The following ELAVL2 variants were observed in gnomAD, a reference collection of about 807,000 sequenced individuals.
The protein encoded by ELAVL2 is ELAV-like protein 2.
Under a neutral mutation model 34.6 loss-of-function variants are expected in ELAVL2, and 4 were observed. The ratio of observed to expected loss-of-function variants is 0.12; its 90% CI spans 0.06 to 0.26. The LOEUF is 0.26. ELAVL2 is among the 10% of genes least tolerant of loss of function. The pLI is 1.00. For missense variants in ELAVL2, 432 were observed against 442.8 expected, an observed-to-expected ratio of 0.98 and a Z score of 0.22; for synonymous variants, 193 against 154.8, an observed-to-expected ratio of 1.25 and a Z score of -1.83.
chr9:23,738,896 T>G lies in ELAVL2; in HGVS notation c.230-7771A>C, dbSNP rs935740006. On this transcript the variant is annotated intron_variant, in intron 2 of 6. Transcript: ENST00000397312. Reference sequence around the variant, plus strand: ...TGATTATGCAACTGGTAGAGCTCTATTTTCCTGTAGTTCCAGTCCCAGTAA... The same window carrying G: ...TGATTATGCAACTGGTAGAGCTCTAGTTTCCTGTAGTTCCAGTCCCAGTAA... Among the ~76,000 whole-genome samples, 4 of 152,148 alleles carry G rather than the reference T, an allele frequency of 2.6e-5. No individual in the cohort carries two copies. The South Asian group carries it at 8.3e-4, about 32-fold the overall frequency.
chr9:23,755,785 G>C (rs1443736847), intron 2 of ELAVL2, among the ~76,000 whole-genome samples: 1 of 152,066 alleles, frequency 6.6e-6, no homozygotes, highest in Non-Finnish European at 1.5e-5. Flanking sequence ...AGCATACAGA[G>C]TTTGCAAAGT....
At position 23,731,070 on chromosome 9, in the gene ELAVL2, T is replaced by C. The variant is rs370062424; in HGVS notation, c.285A>G (p.Lys95=). 4.3e-6 allele frequency: 7 copies of C among 1,613,262 alleles called. No homozygotes were observed. In the African/African-American group the frequency reaches 9.3e-5, roughly 22 times the overall value. The part of the protein sequence containing the change: ...VNYIDPKDAE[K]AINTLNGLRL... ...TCAATCCATTCAGGGTGTTGATAGCTTTCTCTGCATCCTTGGGGTCAATGT... is the reference window on the plus strand; with the variant it reads ...TCAATCCATTCAGGGTGTTGATAGCCTTCTCTGCATCCTTGGGGTCAATGT... Residue 95 remains lysine (K), a synonymous_variant, in exon 3 of 7, where the codon AAA becomes AAG. Transcript: ENST00000397312.
intron 1 of ELAVL2, among the ~76,000 whole-genome samples, chr9:23,765,290 A>G (rs775940370): frequency 6.6e-6 from 1 of 152,190 alleles, no homozygotes; most frequent in African/African-American, 2.4e-5. Context: ...TTGCACAAAT[A>G]TAAGCATTTT....
chr9:23,706,701 C>G (rs2039437412), intron 3 of ELAVL2, among the ~76,000 whole-genome samples: 1 of 152,156 alleles, frequency 6.6e-6, no homozygotes, highest in African/African-American at 2.4e-5. Flanking sequence ...ACTGCCTGCT[C>G]ATTTTATTAT....
chr9:23,796,158 T>TA (rs921354511), intron 1 of ELAVL2, among the ~76,000 whole-genome samples: 2 of 152,184 alleles, frequency 1.3e-5, no homozygotes, highest in African/African-American at 2.4e-5. Flanking sequence ...GGTCCTACTA[T>TA]AAAACACTAG....
chr9:23,777,686 T>C (rs1194569954), intron 1 of ELAVL2, among the ~76,000 whole-genome samples: 3 of 152,060 alleles, frequency 2.0e-5, no homozygotes, highest in Non-Finnish European at 4.4e-5. Context: ...GAAGAAAACT[T>C]CCACTGCACT....
intron 1 of ELAVL2, among the ~76,000 whole-genome samples, chr9:23,811,524 C>T (rs935966549): frequency 2.6e-5 from 4 of 152,204 alleles, no homozygotes; most frequent in Non-Finnish European, 4.4e-5. Flanking sequence ...CTCTGAAAAG[C>T]ACCCCAGCTT....
chr9:23,741,394 G>A (rs955782686), intron 2 of ELAVL2, among the ~76,000 whole-genome samples: 11 of 152,166 alleles, frequency 7.2e-5, no homozygotes, highest in Admixed American at 7.2e-4. Flanking sequence ...GGGACCCAGG[G>A]ACAGTCACCT....
chr9:23,799,787 G>A (rs1022241753), intron 1 of ELAVL2, among the ~76,000 whole-genome samples: 1 of 152,128 alleles, frequency 6.6e-6, no homozygotes, highest in Non-Finnish European at 1.5e-5. Flanking sequence ...AGTTGGGCAA[G>A]AAATCTATTA....
At chr9:23,718,368 G>A (rs2133966083) in intron 3 of ELAVL2, among the ~76,000 whole-genome samples, 1 of 152,208 alleles carries the variant, frequency 6.6e-6, no homozygotes, top group East Asian at 1.9e-4. Context: ...ACAATTATCA[G>A]GGATCTAATG....
At chr9:23,814,212 C>G (rs1255984735) in intron 1 of ELAVL2, among the ~76,000 whole-genome samples, 1 of 152,160 alleles carries the variant, frequency 6.6e-6, no homozygotes, top group African/African-American at 2.4e-5. Context: ...CTGATACCAA[C>G]TGCTCCTTCT....
intron 1 of ELAVL2, among the ~76,000 whole-genome samples, chr9:23,820,044 G>C (rs961741135): frequency 1.3e-5 from 2 of 151,338 alleles, no homozygotes; most frequent in African/African-American, 4.9e-5. Flanking sequence ...AGGTTACTAA[G>C]ACAAGGTAGA....
intron 3 of ELAVL2, among the ~76,000 whole-genome samples, chr9:23,706,059 G>A (rs2039240644): frequency 6.6e-6 from 1 of 152,150 alleles, no homozygotes; most frequent in Non-Finnish European, 1.5e-5. Context: ...TTGAATGTGT[G>A]AACAAGCCCT....
chr9:23,801,477 A>C (rs2061560289), intron 1 of ELAVL2, among the ~76,000 whole-genome samples: 1 of 152,172 alleles, frequency 6.6e-6, no homozygotes, highest in Non-Finnish European at 1.5e-5. Context: ...TTTGCCTTCA[A>C]GGGCTACTCA....
chr9:23,700,587 T>C (rs1294054423), intron 5 of ELAVL2, among the ~76,000 whole-genome samples: 1 of 152,174 alleles, frequency 6.6e-6, no homozygotes, highest in African/African-American at 2.4e-5. Context: ...TGTTGCTGTA[T>C]GGGCTATAAG....
intron 3 of ELAVL2, among the ~76,000 whole-genome samples, chr9:23,729,549 G>T (rs1184301516): frequency 6.6e-6 from 1 of 152,058 alleles, no homozygotes; most frequent in African/African-American, 2.4e-5. Flanking sequence ...AAACAAACTT[G>T]TCTTACACTT....
chr9:23,705,720 C>G (rs1450859777), intron 3 of ELAVL2, among the ~76,000 whole-genome samples: 1 of 152,196 alleles, frequency 6.6e-6, no homozygotes, highest in Non-Finnish European at 1.5e-5. Context: ...TGATGAGAAT[C>G]TAATGCTGCA....
At chr9:23,839,429 T>C in the ELAVL2 span, among the ~76,000 whole-genome samples, 2 of 152,134 alleles carry the variant, frequency 1.3e-5, no homozygotes, top group African/African-American at 4.8e-5. Flanking sequence ...TTATTGGGCA[T>C]GAGTTAAAGC....
At chr9:23,790,248 G>A (rs2060176249) in intron 1 of ELAVL2, among the ~76,000 whole-genome samples, 1 of 152,052 alleles carries the variant, frequency 6.6e-6, no homozygotes, top group African/African-American at 2.4e-5. Context: ...TTAAACTTCT[G>A]TGGTAGAAAA....
Sources: allele counts gnomAD v4.1 joint callset (sites outside exome capture counted in the v4.1 genomes callset), GRCh38; gene constraint gnomAD v4.1.1; transcripts MANE v1.5; gene names NCBI Gene and HGNC (gene_info 2026-07-23, HGNC 2026-07-21).